The following STXBP5L variants were observed in gnomAD, a reference collection of about 807,000 sequenced individuals.
STXBP5L encodes the protein syntaxin binding protein 5L, also known as syntaxin-binding protein 5-like.
A neutral mutation model predicts 144.5 loss-of-function variants in STXBP5L; 65 were observed. The ratio of observed to expected loss-of-function variants is 0.45; its 90% CI spans 0.37 to 0.55. The LOEUF is 0.55. Among genes scored for constraint, STXBP5L ranks in the 20% least tolerant of loss-of-function variants. STXBP5L has a pLI of 0.00. For missense variants in STXBP5L, 1,298 were observed against 1,405.5 expected (o/e 0.92, Z 1.22); for synonymous variants, 505 against 469.6 (o/e 1.08, Z -0.97).
chr3:121,085,365 G>C, intron 5 of STXBP5L, among the ~76,000 whole-genome samples: 1 of 151,980 alleles, frequency 6.6e-6, no homozygotes, highest in Non-Finnish European at 1.5e-5. Context: ...CAAATAGAAA[G>C]AGAGGAAGTC....
At chr3:121,391,028 C>T (rs964455316) in intron 22 of STXBP5L, among the ~76,000 whole-genome samples, 20 of 152,152 alleles carry the variant, frequency 1.3e-4, no homozygotes, top group Non-Finnish European at 2.2e-4. Context: ...ACCAATCAGA[C>T]GTAAATTTGG....
At chr3:121,399,600 G>T (rs979375931) in intron 22 of STXBP5L, among the ~76,000 whole-genome samples, 3 of 152,226 alleles carry the variant, frequency 2.0e-5, no homozygotes, top group African/African-American at 7.2e-5. Flanking sequence ...GAAGGGATGG[G>T]CTGAATTAAA....
chr3:121,308,913 TAA>T (rs1396346742), intron 19 of STXBP5L, among the ~76,000 whole-genome samples: 3 of 152,102 alleles, frequency 2.0e-5, no homozygotes, highest in African/African-American at 4.8e-5. Flanking sequence ...TCACTGGAAT[TAA>T]GTCAGTATAC....
At chr3:121,045,638 C>G in intron 5 of STXBP5L, 103 bp downstream of exon 5, 1 of 989,604 alleles carries the variant, frequency 1.0e-6, no homozygotes, top group Non-Finnish European at 1.5e-6. Flanking sequence ...ATCTCAACAG[C>G]TAGAAATAAT....
At chr3:121,366,190 T>C (rs2045860224) in intron 20 of STXBP5L, among the ~76,000 whole-genome samples, 1 of 152,008 alleles carries the variant, frequency 6.6e-6, no homozygotes, top group African/African-American at 2.4e-5. Context: ...ATATGGCCTA[T>C]CCTGGAGGAT....
At chr3:121,321,682 A>G (rs549492253) in intron 20 of STXBP5L, among the ~76,000 whole-genome samples, 1 of 152,280 alleles carries the variant, frequency 6.6e-6, no homozygotes, top group African/African-American at 2.4e-5. Flanking sequence ...ATATTTTTTC[A>G]GTAGTTACCT....
At chr3:121,401,844 T>G (rs1180848691) in intron 22 of STXBP5L, among the ~76,000 whole-genome samples, 1 of 139,430 alleles carries the variant, frequency 7.2e-6, no homozygotes, top group Non-Finnish European at 1.5e-5. Flanking sequence ...TGTATACATA[T>G]GTAACTAACC....
At chr3:121,049,021 T>A (rs1380383769) in intron 5 of STXBP5L, among the ~76,000 whole-genome samples, 1 of 152,212 alleles carries the variant, frequency 6.6e-6, no homozygotes, top group Non-Finnish European at 1.5e-5. Context: ...GTGGCCTGCT[T>A]GCTCCTTCTG....
chr3:121,122,520 G>T (rs1577012242), intron 7 of STXBP5L, among the ~76,000 whole-genome samples: 1 of 151,418 alleles, frequency 6.6e-6, no homozygotes, highest in South Asian at 2.1e-4. Context: ...TGGTACAGGG[G>T]TACACAAGAG....
intron 22 of STXBP5L, among the ~76,000 whole-genome samples, chr3:121,386,490 T>A (rs1401174168): frequency 6.6e-6 from 1 of 152,102 alleles, no homozygotes; most frequent in Non-Finnish European, 1.5e-5. Flanking sequence ...GCCATGTTGG[T>A]TTGTTGCACC....
At chr3:120,959,903 A>G (rs947174166) in intron 3 of STXBP5L, among the ~76,000 whole-genome samples, 9 of 152,208 alleles carry the variant, frequency 5.9e-5, no homozygotes, top group Non-Finnish European at 1.0e-4. Flanking sequence ...AAATTGACAA[A>G]TGGGATCTAA....
At chr3:121,122,178 G>A (rs922540259) in intron 7 of STXBP5L, among the ~76,000 whole-genome samples, 1 of 150,154 alleles carries the variant, frequency 6.7e-6, no homozygotes, top group Admixed American at 6.7e-5. Flanking sequence ...TGCCTTTGAT[G>A]GTGAGGAAAC....
chr3:121,188,256 C>G (rs191323760), intron 9 of STXBP5L, among the ~76,000 whole-genome samples: 1 of 152,328 alleles, frequency 6.6e-6, no homozygotes, highest in African/African-American at 2.4e-5. Context: ...CCGCATCACA[C>G]TTACTCCCAT....
chr3:121,166,918 C>G (rs1239398956), intron 9 of STXBP5L, among the ~76,000 whole-genome samples: 1 of 152,032 alleles, frequency 6.6e-6, no homozygotes, highest in Non-Finnish European at 1.5e-5. Flanking sequence ...AACTAGAGAA[C>G]TTGGGTAAAT....
At chr3:120,976,065 G>C (rs931776511) in intron 3 of STXBP5L, among the ~76,000 whole-genome samples, 4 of 152,148 alleles carry the variant, frequency 2.6e-5, no homozygotes, top group Non-Finnish European at 4.4e-5. Context: ...CTCATAAAAT[G>C]AGTTAGGGAG....
chr3:120,932,918 A>G (rs1710026114), intron 2 of STXBP5L, among the ~76,000 whole-genome samples: 2 of 151,954 alleles, frequency 1.3e-5, no homozygotes, highest in Non-Finnish European at 2.9e-5. Flanking sequence ...GAAGCTGGAA[A>G]CCATCATTCT....
At chr3:121,168,943 G>T (rs1439833013) in intron 9 of STXBP5L, among the ~76,000 whole-genome samples, 1 of 152,152 alleles carries the variant, frequency 6.6e-6, no homozygotes, top group Non-Finnish European at 1.5e-5. Flanking sequence ...CAGGGAGAAA[G>T]GTCAGGTTAC....
intron 20 of STXBP5L, among the ~76,000 whole-genome samples, chr3:121,362,353 C>T (rs1392951901): frequency 1.3e-5 from 2 of 152,202 alleles, no homozygotes. Context: ...GCCAGCCAGG[C>T]TTGTGTCCTT....
intron 3 of STXBP5L, among the ~76,000 whole-genome samples, chr3:120,968,009 C>T (rs573760254): frequency 8.1e-4 from 124 of 152,262 alleles, no homozygotes; most frequent in African/African-American, 2.9e-3. Flanking sequence ...AGATTTGTTT[C>T]GTGACCTAAC....
Sources: gnomAD v4.1 joint callset for allele counts (sites outside exome capture counted in the v4.1 genomes callset) on GRCh38, gnomAD v4.1.1 for gene constraint, MANE v1.5 for transcripts, NCBI Gene and HGNC (gene_info 2026-07-23, HGNC 2026-07-21) for gene names.